DAAM2: variants seen among roughly 807,000 people sequenced by gnomAD.
DAAM2 encodes disheveled-associated activator of morphogenesis 2.
Under a neutral mutation model 120.7 loss-of-function variants are expected in DAAM2, and 39 were observed. The ratio of observed to expected loss-of-function variants is 0.32; its 90% CI spans 0.25 to 0.42. The LOEUF (loss-of-function observed/expected upper bound fraction) is 0.42. Among genes scored for constraint, DAAM2 ranks in the 10% least tolerant of loss-of-function variants. DAAM2 has a pLI of 1.00. For missense variants in DAAM2, 1,283 were observed against 1,401.7 expected (o/e 0.92, Z 1.35); for synonymous variants, 488 against 524.9 (o/e 0.93, Z 0.96).
chr6:39,904,310 C>T lies in DAAM2; in HGVS notation c.*2273C>T, dbSNP rs1766662871. The T allele has an allele frequency of 2.2e-6, 1 of 456,740 alleles. No individual in the cohort carries two copies. Among genetic ancestry groups the T allele is most frequent in the Non-Finnish European group, 4.4e-6 (1 of 226,972 alleles). 28.3% of individuals were successfully genotyped at this position (456,740 alleles called of 1,614,324 possible). Reference sequence around the variant, plus strand: ...TTTATTTTCTACATCTGGCCAGTGGCTCTGGTGCTAGATGCCACTGTAGCC... The same window carrying T: ...TTTATTTTCTACATCTGGCCAGTGGTTCTGGTGCTAGATGCCACTGTAGCC... On this transcript the variant is annotated 3_prime_UTR_variant, in exon 25 of 25. Coordinates refer to ENST00000274867, the MANE Select transcript of DAAM2 (RefSeq NM_001201427.2).
intron 14 of DAAM2, chr6:39,879,736 C>T: frequency 1.7e-6 from 1 of 582,230 alleles, no homozygotes; most frequent in Non-Finnish European, 3.1e-6. Context: ...TGTGTTTGCC[C>T]AGGGTTAATG....
chr6:39,870,468 T>C (rs1357762539), intron 8 of DAAM2, 25 bp downstream of exon 8: 8 of 1,443,272 alleles, frequency 5.5e-6, no homozygotes, highest in African/African-American at 4.2e-5. Flanking sequence ...CCCGTCTCCA[T>C]TGCAAACCTG....
chr6:39,902,338 T>G lies in DAAM2; in HGVS notation c.*301T>G. ...TGAAGGGGCCCTGCTCCCCATCCCC[T>G]ACCATGGGCACCCATGTGCTGGCAC... On this transcript the variant is annotated 3_prime_UTR_variant, in exon 25 of 25. Transcript: ENST00000274867. 1 of 274,908 alleles carries G rather than the reference T, an allele frequency of 3.6e-6. No homozygotes were observed. Among genetic ancestry groups the G allele is most frequent in the East Asian group, 6.8e-5 (1 of 14,770 alleles). The allele number at this position is 274,908 out of a possible 1,614,324, so 17.0% of individuals were successfully genotyped here.
intron 9 of DAAM2, among the ~76,000 whole-genome samples, chr6:39,872,688 G>T (rs1404083406): frequency 1.3e-5 from 2 of 152,216 alleles, no homozygotes; most frequent in African/African-American, 4.8e-5. Context: ...TGGATTTATA[G>T]ATACAGAAAC....
intron 1 of DAAM2, among the ~76,000 whole-genome samples, chr6:39,814,059 G>T (rs763510880): frequency 1.8e-4 from 28 of 152,188 alleles, no homozygotes; most frequent in Non-Finnish European, 3.4e-4. Context: ...TGTTCAGCCC[G>T]TGGCCCATGG....
intron 1 of DAAM2, among the ~76,000 whole-genome samples, chr6:39,805,481 C>T (rs1281486835): frequency 6.6e-6 from 1 of 151,862 alleles, no homozygotes; most frequent in Non-Finnish European, 1.5e-5. Flanking sequence ...GGTGTTACTG[C>T]AACACATGGA....
intron 14 of DAAM2, among the ~76,000 whole-genome samples, chr6:39,881,176 G>T (rs1186300146): frequency 6.6e-6 from 1 of 152,210 alleles, no homozygotes; most frequent in African/African-American, 2.4e-5. Context: ...TCCAGTAATA[G>T]TAAGGTCTAT....
chr6:39,806,331 T>C (rs553945870), intron 1 of DAAM2, among the ~76,000 whole-genome samples: 21 of 152,326 alleles, frequency 1.4e-4, no homozygotes, highest in African/African-American at 4.3e-4. Context: ...TTTCATCTGT[T>C]GATATGGTCA....
intron 14 of DAAM2, among the ~76,000 whole-genome samples, chr6:39,880,827 C>A (rs904214690): frequency 1.3e-5 from 2 of 152,198 alleles, no homozygotes; most frequent in Admixed American, 1.3e-4. Context: ...GCATTCAAAG[C>A]AAGATTGTTG....
intron 1 of DAAM2, among the ~76,000 whole-genome samples, chr6:39,826,846 T>A (rs998786558): frequency 6.6e-5 from 10 of 152,310 alleles, no homozygotes; most frequent in African/African-American, 2.4e-4. Context: ...GCACCTTCTC[T>A]TTTTAAAGAG....
chr6:39,840,915 G>A (rs958185627), intron 1 of DAAM2, among the ~76,000 whole-genome samples: 4 of 151,486 alleles, frequency 2.6e-5, no homozygotes, highest in Admixed American at 1.3e-4. Flanking sequence ...AAGGGTGGCC[G>A]GGATGGCTTC....
At chr6:39,876,119 G>A (rs1460728747) in intron 11 of DAAM2, among the ~76,000 whole-genome samples, 3 of 152,282 alleles carry the variant, frequency 2.0e-5, no homozygotes, top group East Asian at 3.9e-4. Flanking sequence ...AGAGCCTAAG[G>A]CCTTCTGGTT....
chr6:39,804,236 A>G (rs1761945968), intron 1 of DAAM2, among the ~76,000 whole-genome samples: 1 of 152,074 alleles, frequency 6.6e-6, no homozygotes, highest in Non-Finnish European at 1.5e-5. Flanking sequence ...TTCTTTTCTC[A>G]GATTCAGTTG....
At chr6:39,812,136 G>A (rs779533760) in intron 1 of DAAM2, among the ~76,000 whole-genome samples, 3 of 152,146 alleles carry the variant, frequency 2.0e-5, no homozygotes, top group South Asian at 2.1e-4. Context: ...TGCGGACCCC[G>A]GGAGCTAGGT....
intron 1 of DAAM2, among the ~76,000 whole-genome samples, chr6:39,839,689 A>G (rs949876080): frequency 1.2e-4 from 19 of 152,234 alleles, no homozygotes; most frequent in Non-Finnish European, 2.2e-4. Flanking sequence ...GTGCAGGCTC[A>G]CAGAGCAAGT....
At chr6:39,897,426 A>G in intron 21 of DAAM2, 144 bp downstream of exon 21, 1 of 608,930 alleles carries the variant, frequency 1.6e-6, no homozygotes, top group South Asian at 2.0e-5. Flanking sequence ...GAATTTAAAC[A>G]GACACACAGC....
chr6:39,809,467 C>G (rs1424872322), intron 1 of DAAM2, among the ~76,000 whole-genome samples: 1 of 152,146 alleles, frequency 6.6e-6, no homozygotes, highest in East Asian at 1.9e-4. Context: ...GTGAAATGTT[C>G]AGGAGGAAAG....
intron 1 of DAAM2, among the ~76,000 whole-genome samples, chr6:39,825,484 G>A (rs1762640394): frequency 1.3e-5 from 2 of 151,088 alleles, no homozygotes; most frequent in African/African-American, 4.9e-5. Flanking sequence ...ACATAGTTAA[G>A]CATACTCCTG....
chr6:39,881,102 A>C (rs1444906089), intron 14 of DAAM2, among the ~76,000 whole-genome samples: 2 of 152,238 alleles, frequency 1.3e-5, no homozygotes, highest in African/African-American at 2.4e-5. Flanking sequence ...AAGACAGCTA[A>C]AGCAAGCAAT....
Sources: gnomAD v4.1 joint callset for allele counts (sites outside exome capture counted in the v4.1 genomes callset) on GRCh38, gnomAD v4.1.1 for gene constraint, MANE v1.5 for transcripts, NCBI Gene and HGNC (gene_info 2026-07-23, HGNC 2026-07-21) for gene names.